SPTLC3: variants seen among roughly 807,000 people sequenced by gnomAD.
The protein encoded by SPTLC3 is serine palmitoyltransferase 3.
In SPTLC3, 36 loss-of-function variants were observed where a neutral mutation model predicts 59.3. That is an observed-to-expected ratio of 0.61 (90% CI 0.47 to 0.80). The LOEUF is 0.80. Among genes scored for constraint, SPTLC3 ranks in the 30% least tolerant of loss-of-function variants. The probability of loss-of-function intolerance (pLI) is 0.00; values close to 1 mark genes in which losing one functional copy is unlikely to be tolerated. For missense variants in SPTLC3, 625 were observed against 685.1 expected (o/e 0.91, Z 0.98); for synonymous variants, 257 against 240.8 (o/e 1.07, Z -0.62).
intron 4 of SPTLC3, among the ~76,000 whole-genome samples, chr20:13,082,922 T>G (rs1388371738): frequency 1.3e-5 from 2 of 152,204 alleles, no homozygotes; most frequent in Non-Finnish European, 2.9e-5. Context: ...CAATGTCTGC[T>G]CCTAATTTCT....
chr20:13,130,111 T>A (rs2038089572), intron 9 of SPTLC3, among the ~76,000 whole-genome samples: 1 of 152,230 alleles, frequency 6.6e-6, no homozygotes, highest in African/African-American at 2.4e-5. Context: ...GCCTGACACA[T>A]CTTTTGAAGC....
intron 1 of SPTLC3, among the ~76,000 whole-genome samples, chr20:13,044,571 C>CT (rs1274496458): frequency 6.6e-6 from 1 of 152,100 alleles, no homozygotes; most frequent in Non-Finnish European, 1.5e-5. Flanking sequence ...TTGTCTTTCT[C>CT]TTTTTTCTCA....
At chr20:13,069,895 A>G (rs1011470512) in intron 2 of SPTLC3, among the ~76,000 whole-genome samples, 11 of 152,216 alleles carry the variant, frequency 7.2e-5, no homozygotes, top group African/African-American at 2.7e-4. Flanking sequence ...CAGAAATATT[A>G]CTTACACACC....
At chr20:13,030,183 C>T (rs1255904550) in intron 1 of SPTLC3, among the ~76,000 whole-genome samples, 2 of 152,192 alleles carry the variant, frequency 1.3e-5, no homozygotes, top group Non-Finnish European at 2.9e-5. Flanking sequence ...GCTGCCCCTA[C>T]TGTGAAGAAA....
intron 4 of SPTLC3, among the ~76,000 whole-genome samples, chr20:13,077,981 T>G (rs988210783): frequency 9.2e-5 from 14 of 151,786 alleles, no homozygotes; most frequent in South Asian, 2.1e-4. Context: ...CTGGAGGTGA[T>G]TCTGATAAGC....
chr20:13,025,084 C>G (rs1167812343), intron 1 of SPTLC3, among the ~76,000 whole-genome samples: 1 of 152,136 alleles, frequency 6.6e-6, no homozygotes, highest in Non-Finnish European at 1.5e-5. Flanking sequence ...AAAATAAGAG[C>G]CACATGTAGA....
chr20:13,151,117 C>T (rs1270431594), intron 9 of SPTLC3, among the ~76,000 whole-genome samples: 1 of 152,192 alleles, frequency 6.6e-6, no homozygotes, highest in Non-Finnish European at 1.5e-5. Context: ...CTGCCCACCT[C>T]TCTTCTTTAT....
At chr20:13,148,630 C>T (rs2038572056) in intron 9 of SPTLC3, among the ~76,000 whole-genome samples, 1 of 152,212 alleles carries the variant, frequency 6.6e-6, no homozygotes, top group African/African-American at 2.4e-5. Context: ...AGCCAGGCTG[C>T]AATCAGATAC....
chr20:13,130,003 T>C (rs1409858478), intron 9 of SPTLC3, among the ~76,000 whole-genome samples: 1 of 150,928 alleles, frequency 6.6e-6, no homozygotes, highest in Non-Finnish European at 1.5e-5. Context: ...AATAGGAGAA[T>C]GAGGGAGAAA....
At chr20:13,033,891 C>T (rs572026105) in intron 1 of SPTLC3, among the ~76,000 whole-genome samples, 2 of 152,046 alleles carry the variant, frequency 1.3e-5, no homozygotes, top group South Asian at 4.2e-4. Context: ...TGTCTTAAGG[C>T]AGGCAGAGTG....
intron 4 of SPTLC3, among the ~76,000 whole-genome samples, chr20:13,078,396 C>T (rs1479635425): frequency 3.3e-5 from 5 of 151,290 alleles, no homozygotes; most frequent in African/African-American, 1.2e-4. Context: ...TGCTGCTAAG[C>T]ATTTATAAAA....
At chr20:13,099,913 G>C (rs1989545240) in intron 6 of SPTLC3, among the ~76,000 whole-genome samples, 1 of 152,180 alleles carries the variant, frequency 6.6e-6, no homozygotes, top group South Asian at 2.1e-4. Context: ...TTGTGAGACA[G>C]GTTTTAAGAA....
chr20:13,085,232 G>A (rs1409019394), intron 4 of SPTLC3, among the ~76,000 whole-genome samples: 6 of 151,934 alleles, frequency 3.9e-5, no homozygotes, highest in East Asian at 1.9e-4. Context: ...AGACTATCTC[G>A]GAATATTGGC....
chr20:13,081,921 T>G (rs6131432), intron 4 of SPTLC3, among the ~76,000 whole-genome samples: 44,549 of 152,038 alleles, frequency 0.29, 6,546 homozygotes, highest in Middle Eastern at 0.36. Flanking sequence ...AGCATATCTT[T>G]GTTTCTTAAA....
At chr20:13,122,076 T>C (rs1346223918) in intron 8 of SPTLC3, among the ~76,000 whole-genome samples, 2 of 152,210 alleles carry the variant, frequency 1.3e-5, no homozygotes, top group Non-Finnish European at 2.9e-5. Flanking sequence ...GAGAATGCAG[T>C]TGAGTAATAC....
intron 9 of SPTLC3, among the ~76,000 whole-genome samples, chr20:13,133,292 C>T (rs2122837670): frequency 6.6e-6 from 1 of 152,292 alleles, no homozygotes; most frequent in Non-Finnish European, 1.5e-5. Context: ...GCATGACATG[C>T]TTGCTGCATT....
chr20:13,093,838 T>C (rs376711252), intron 6 of SPTLC3, among the ~76,000 whole-genome samples: 2 of 152,334 alleles, frequency 1.3e-5, no homozygotes, highest in South Asian at 2.1e-4. Context: ...TCTAAATACA[T>C]GATTGATCTC....
intron 7 of SPTLC3, among the ~76,000 whole-genome samples, chr20:13,116,447 G>T (rs1990555370): frequency 6.6e-6 from 1 of 152,124 alleles, no homozygotes; most frequent in Non-Finnish European, 1.5e-5. Context: ...TCTGAGAACT[G>T]ATTACTGTCA....
chr20:13,018,064 T>C (rs1985630584), intron 1 of SPTLC3, among the ~76,000 whole-genome samples: 1 of 152,208 alleles, frequency 6.6e-6, no homozygotes, highest in Non-Finnish European at 1.5e-5. Flanking sequence ...GTGATGTATC[T>C]TGGAAGTGAA....
Sources: gnomAD v4.1 joint callset for allele counts (sites outside exome capture counted in the v4.1 genomes callset) on GRCh38, gnomAD v4.1.1 for gene constraint, MANE v1.5 for transcripts, NCBI Gene and HGNC (gene_info 2026-07-23, HGNC 2026-07-21) for gene names.